Variants in ADAMTS17 observed in about 807,000 individuals in gnomAD.
ADAMTS17 encodes A disintegrin and metalloproteinase with thrombospondin motifs 17.
Under a neutral mutation model 141.5 loss-of-function variants are expected in ADAMTS17, and 113 were observed. That is an observed-to-expected ratio of 0.80 (90% CI 0.69 to 0.93). The LOEUF (loss-of-function observed/expected upper bound fraction) is 0.93. ADAMTS17 is among the 40% of genes least tolerant of loss of function. The probability of loss-of-function intolerance (pLI) is 0.00; values close to 1 mark genes in which losing one functional copy is unlikely to be tolerated. For missense variants in ADAMTS17, 1,659 were observed against 1,517.9 expected (o/e 1.09, Z -1.54); for synonymous variants, 768 against 630.6 (o/e 1.22, Z -3.27).
intron 5 of ADAMTS17, among the ~76,000 whole-genome samples, chr15:100,261,947 C>A (rs1167571092): frequency 6.6e-6 from 1 of 152,152 alleles, no homozygotes; most frequent in Non-Finnish European, 1.5e-5. Flanking sequence ...CTTGACCCGG[C>A]AGGTAACATC....
chr15:100,075,897 A>T lies in ADAMTS17; in HGVS notation c.2137+20459T>A, dbSNP rs575818024. The stretch of plus-strand genomic sequence containing the variant: ...TGATTTTCTCTGTCTGCTTCCACGT[A>T]GACCTGGTTTCTGTGATGGATTCAG... On this transcript the variant is annotated intron_variant, in intron 15 of 21. Transcript: ENST00000268070. Among the ~76,000 whole-genome samples the T allele has an allele frequency of 5.7e-4, 86 of 152,188 alleles. 1 individual carries two copies. Among genetic ancestry groups the T allele is most frequent in the African/African-American group, 1.9e-3 (77 of 41,504 alleles).
intron 3 of ADAMTS17, among the ~76,000 whole-genome samples, chr15:100,303,132 A>C (rs28658249): frequency 6.8e-6 from 1 of 146,444 alleles, no homozygotes; most frequent in African/African-American, 2.5e-5. Flanking sequence ...ATAAATATAT[A>C]TTTATATTTA....
chr15:100,047,870 TC>T (rs1326884697), intron 18 of ADAMTS17, among the ~76,000 whole-genome samples: 6 of 152,186 alleles, frequency 3.9e-5, no homozygotes, highest in Non-Finnish European at 7.3e-5. Context: ...CAAGCAGATT[TC>T]CTGCAGTGAG....
chr15:100,300,987 C>T (rs2045012665), intron 3 of ADAMTS17, among the ~76,000 whole-genome samples: 1 of 152,218 alleles, frequency 6.6e-6, no homozygotes, highest in South Asian at 2.1e-4. Flanking sequence ...TTCCACCACA[C>T]AGGAAGCTCA....
chr15:100,211,655 C>T (rs1294269682), intron 7 of ADAMTS17, among the ~76,000 whole-genome samples: 1 of 152,082 alleles, frequency 6.6e-6, no homozygotes, highest in Non-Finnish European at 1.5e-5. Context: ...ACTTCTATGT[C>T]ATAAAAGGTA....
At chr15:100,206,190 T>C (rs572316158) in intron 7 of ADAMTS17, among the ~76,000 whole-genome samples, 1 of 152,274 alleles carries the variant, frequency 6.6e-6, no homozygotes, top group South Asian at 2.1e-4. Flanking sequence ...CCTCTGCATG[T>C]ACTCCCTGGC....
chr15:100,281,471 C>T (rs763955651), intron 3 of ADAMTS17, 70 bp from the exon 4 acceptor site: 14 of 1,552,322 alleles, frequency 9.0e-6, no homozygotes, highest in Non-Finnish European at 1.1e-5. Flanking sequence ...GTGAACAGGC[C>T]TTCTGTCAAG....
At chr15:100,194,006 C>T (rs2041019766) in intron 8 of ADAMTS17, among the ~76,000 whole-genome samples, 1 of 152,198 alleles carries the variant, frequency 6.6e-6, no homozygotes, top group South Asian at 2.1e-4. Flanking sequence ...CTGGCTCAGG[C>T]TTATCTAACA....
intron 19 of ADAMTS17, among the ~76,000 whole-genome samples, chr15:99,996,350 C>G (rs1334322867): frequency 6.6e-6 from 1 of 152,114 alleles, no homozygotes; most frequent in Non-Finnish European, 1.5e-5. Context: ...ACCTAGAGTA[C>G]TGGAAAGGGG....
intron 18 of ADAMTS17, among the ~76,000 whole-genome samples, chr15:100,023,970 G>A (rs2061453153): frequency 6.6e-6 from 1 of 152,228 alleles, no homozygotes; most frequent in African/African-American, 2.4e-5. Context: ...CATGATCCTA[G>A]TCTTTCTTCC....
rs527241662 is a variant in ADAMTS17, at chr15:100,019,244, A to G, written c.2592-21655T>C. On this transcript the variant is annotated intron_variant, in intron 18 of 21. Transcript: ENST00000268070. ...TCTGTTTGTGGATATATACATATAT[A>G]GTGCAAGTTTGAAAATTTGGGTGGG... 5.9e-5 allele frequency among the ~76,000 whole-genome samples: 9 copies of G among 152,334 alleles called. 1 individual carries two copies. In the South Asian group the frequency reaches 1.9e-3, roughly 32 times the overall value.
At chr15:100,145,222 G>A (rs2038843009) in intron 10 of ADAMTS17, among the ~76,000 whole-genome samples, 1 of 152,160 alleles carries the variant, frequency 6.6e-6, no homozygotes, top group African/African-American at 2.4e-5. Context: ...ACCAGTGAGG[G>A]GCTTACCAGT....
chr15:100,067,968 G>C (rs987780356), intron 15 of ADAMTS17, among the ~76,000 whole-genome samples: 3 of 152,154 alleles, frequency 2.0e-5, no homozygotes, highest in African/African-American at 7.2e-5. Context: ...CCATCACCCG[G>C]GAAGCGCAAG....
rs78351996 is a variant in ADAMTS17, at chr15:100,000,042, G to A, written c.2592-2453C>T. 8.2e-3 allele frequency among the ~76,000 whole-genome samples: 1,256 copies of A among 152,290 alleles called. 16 individuals are homozygous for A. Among genetic ancestry groups the A allele is most frequent in the African/African-American group, 0.029 (1,190 of 41,552 alleles). ...AGTGACTCCCTTGGGGTGCAGTTGTGAGGACAAGTGGCACATTGTCCATAA... is the reference window on the plus strand; with the variant it reads ...AGTGACTCCCTTGGGGTGCAGTTGTAAGGACAAGTGGCACATTGTCCATAA... On this transcript the variant is annotated intron_variant, in intron 18 of 21. Transcript: ENST00000268070.
chr15:100,267,100 G>C (rs2043741456), intron 4 of ADAMTS17, among the ~76,000 whole-genome samples: 1 of 152,070 alleles, frequency 6.6e-6, no homozygotes, highest in Non-Finnish European at 1.5e-5. Context: ...TTAACCTCCA[G>C]GACTCTTTTC....
At chr15:100,286,036 C>G (rs767044584) in intron 3 of ADAMTS17, among the ~76,000 whole-genome samples, 4 of 152,138 alleles carry the variant, frequency 2.6e-5, no homozygotes, top group Non-Finnish European at 5.9e-5. Flanking sequence ...CAGGGGCGGC[C>G]CATCATAGCT....
At chr15:100,132,861 C>A (rs190627803) in intron 11 of ADAMTS17, among the ~76,000 whole-genome samples, 440 of 152,342 alleles carry the variant, frequency 2.9e-3, no homozygotes, top group Middle Eastern at 0.014. Flanking sequence ...TTGGATAATA[C>A]TGTTCTCACT....
At position 100,211,233 on chromosome 15, in the gene ADAMTS17, T is replaced by A. The variant is rs570622591; in HGVS notation, c.1076-11810A>T. ...AACGGTTGCACCTGGGAGGTGGAGG[T>A]TGCAGTGAGTTGAGACTGTGCCACT... is the stretch of plus-strand genomic sequence containing the variant. On this transcript the variant is annotated intron_variant, in intron 7 of 21. Transcript: ENST00000268070. 1.4e-3 allele frequency among the ~76,000 whole-genome samples: 213 copies of A among 147,670 alleles called. 1 individual carries two copies. The highest frequency in any genetic ancestry group is 5.2e-3 in the African/African-American group (209 of 39,922).
At chr15:100,336,544 T>C (rs1249991205) in intron 2 of ADAMTS17, among the ~76,000 whole-genome samples, 1 of 152,224 alleles carries the variant, frequency 6.6e-6, no homozygotes, top group Non-Finnish European at 1.5e-5. Context: ...AACATATTTA[T>C]TCTGCACACG....
Sources: allele counts gnomAD v4.1 joint callset (sites outside exome capture counted in the v4.1 genomes callset), GRCh38; gene constraint gnomAD v4.1.1; transcripts MANE v1.5; gene names NCBI Gene and HGNC (gene_info 2026-07-23, HGNC 2026-07-21).